The following MAST4 variants were observed in gnomAD, a reference collection of about 807,000 sequenced individuals.
MAST4 encodes the protein microtubule-associated serine/threonine-protein kinase 4.
Under a neutral mutation model 162.7 loss-of-function variants are expected in MAST4, and 89 were observed. The observed-to-expected ratio is 0.55, with a 90% CI of 0.46 to 0.65. The LOEUF is 0.65. Ranked by LOEUF, MAST4 falls within the 30% of genes least tolerant of loss-of-function variation. The probability of loss-of-function intolerance (pLI) is 0.00; values close to 1 mark genes in which losing one functional copy is unlikely to be tolerated. For missense variants in MAST4, 3,153 were observed against 3,374.0 expected, an observed-to-expected ratio of 0.93 and a Z score of 1.62; for synonymous variants, 1,479 against 1,361.1, an observed-to-expected ratio of 1.09 and a Z score of -1.91.
At chr5:67,160,129 A>G (rs1285523475) in intron 26 of MAST4, among the ~76,000 whole-genome samples, 4 of 152,184 alleles carry the variant, frequency 2.6e-5, no homozygotes, top group African/African-American at 9.7e-5. Context: ...TCCTCAAATG[A>G]GCCCCAGGAG....
At chr5:66,779,894 T>C (rs1474740698) in intron 2 of MAST4, among the ~76,000 whole-genome samples, 3 of 152,172 alleles carry the variant, frequency 2.0e-5, no homozygotes, top group African/African-American at 7.2e-5. Flanking sequence ...CCCTAACTTA[T>C]AAATGATTGG....
At chr5:66,605,554 A>T (rs974478017) in intron 1 of MAST4, among the ~76,000 whole-genome samples, 6 of 152,202 alleles carry the variant, frequency 3.9e-5, no homozygotes, top group Non-Finnish European at 7.3e-5. Flanking sequence ...TCAAAATACT[A>T]CATTGGTAAA....
intron 1 of MAST4, among the ~76,000 whole-genome samples, chr5:66,640,305 G>C (rs10063489): frequency 0.59 from 88,372 of 148,846 alleles, 27,285 homozygotes; most frequent in African/African-American, 0.76. Flanking sequence ...CTCACAATTT[G>C]TTTCTTTTTT....
chr5:66,651,119 C>T (rs572738294), intron 1 of MAST4, among the ~76,000 whole-genome samples: 6 of 152,202 alleles, frequency 3.9e-5, no homozygotes, highest in African/African-American at 1.4e-4. Context: ...GAAGTGTTTA[C>T]ATCATACTGC....
chr5:66,998,910 G>C (rs1750963611), intron 4 of MAST4, among the ~76,000 whole-genome samples: 1 of 152,228 alleles, frequency 6.6e-6, no homozygotes, highest in African/African-American at 2.4e-5. Context: ...TTGGGGATGG[G>C]GGGCTCCCAT....
In MAST4 at chr5:66,723,280, C is replaced by A. The variant is rs143574436; in HGVS notation, c.364-36429C>A. Among the ~76,000 whole-genome samples the A allele has an allele frequency of 4.3e-3, 649 of 152,248 alleles. 6 individuals carry two copies. Among genetic ancestry groups the A allele is most frequent in the African/African-American group, 0.015 (624 of 41,542 alleles). Reference sequence around the variant, plus strand: ...TCTCAGTCCTAAAGGGTTCTTCTTTCTATTAGTAATTGAAATGATTCTTCC... The same window carrying A: ...TCTCAGTCCTAAAGGGTTCTTCTTTATATTAGTAATTGAAATGATTCTTCC... On this transcript the variant is annotated intron_variant, in intron 1 of 28. Transcript: ENST00000403625.
chr5:66,978,992 AGG>A (rs1206797232), intron 4 of MAST4, among the ~76,000 whole-genome samples: 1 of 152,190 alleles, frequency 6.6e-6, no homozygotes, highest in Non-Finnish European at 1.5e-5. Flanking sequence ...AGGCTTGAGA[AGG>A]GGAAGGAAGA....
At chr5:66,870,983 A>G (rs1760890457) in intron 3 of MAST4, 1 of 377,836 alleles carries the variant, frequency 2.6e-6, no homozygotes, top group Non-Finnish European at 5.3e-6. Flanking sequence ...GAGAGGAGTC[A>G]AAGTCTTCTC....
chr5:66,931,677 A>G (rs1247607703), intron 4 of MAST4, among the ~76,000 whole-genome samples: 1 of 152,184 alleles, frequency 6.6e-6, no homozygotes, highest in Non-Finnish European at 1.5e-5. Flanking sequence ...TTTTCATGCA[A>G]TACCTGGCCT....
At chr5:67,028,561 C>T (rs180791169) in intron 4 of MAST4, among the ~76,000 whole-genome samples, 7 of 152,150 alleles carry the variant, frequency 4.6e-5, no homozygotes, top group East Asian at 1.9e-4. Flanking sequence ...TGAAGGGAGA[C>T]GCTCAGGAAG....
chr5:67,036,275 A>T (rs1034895740), intron 4 of MAST4, among the ~76,000 whole-genome samples: 3 of 151,580 alleles, frequency 2.0e-5, no homozygotes, highest in African/African-American at 7.3e-5. Context: ...GTGGCTAGCA[A>T]TATTTAAAAG....
intron 5 of MAST4, among the ~76,000 whole-genome samples, chr5:67,057,315 C>T (rs939945814): frequency 1.3e-5 from 2 of 152,008 alleles, no homozygotes; most frequent in African/African-American, 4.8e-5. Context: ...GGAAAAACCT[C>T]CATCTCTCAG....
At chr5:66,680,993 C>G (rs1220095330) in intron 1 of MAST4, among the ~76,000 whole-genome samples, 1 of 152,128 alleles carries the variant, frequency 6.6e-6, no homozygotes, top group East Asian at 1.9e-4. Context: ...CCTTTGGCCA[C>G]AAGGGGGACC....
At chr5:66,689,733 C>T (rs1748917408) in intron 1 of MAST4, among the ~76,000 whole-genome samples, 1 of 152,152 alleles carries the variant, frequency 6.6e-6, no homozygotes, top group African/African-American at 2.4e-5. Context: ...AACTTTAGCT[C>T]AGCATTTCTG....
At chr5:66,913,811 T>C (rs901511645) in intron 4 of MAST4, among the ~76,000 whole-genome samples, 4 of 152,224 alleles carry the variant, frequency 2.6e-5, no homozygotes, top group African/African-American at 7.2e-5. Flanking sequence ...TTGATTTTTA[T>C]ACATGGAGGG....
intron 4 of MAST4, among the ~76,000 whole-genome samples, chr5:67,027,637 G>A (rs1290569528): frequency 1.3e-5 from 2 of 152,162 alleles, no homozygotes; most frequent in Admixed American, 6.5e-5. Flanking sequence ...ATAAGAATAA[G>A]CCTTTTCACC....
At chr5:66,704,650 G>A (rs1054873974) in intron 1 of MAST4, among the ~76,000 whole-genome samples, 3 of 151,962 alleles carry the variant, frequency 2.0e-5, no homozygotes, top group Non-Finnish European at 4.4e-5. Context: ...ACAGGCGCTT[G>A]CCACCATGCT....
intron 1 of MAST4, among the ~76,000 whole-genome samples, chr5:66,603,085 TAAGC>T (rs1742658392): frequency 6.6e-6 from 1 of 152,318 alleles, no homozygotes; most frequent in African/African-American, 2.4e-5. Flanking sequence ...AGGTACATAA[TAAGC>T]AAGAAACCTA....
At chr5:66,612,422 G>A (rs1315977608) in intron 1 of MAST4, among the ~76,000 whole-genome samples, 3 of 152,170 alleles carry the variant, frequency 2.0e-5, no homozygotes, top group African/African-American at 7.2e-5. Flanking sequence ...CTGCCAACTC[G>A]GCTTGCTCTG....
Sources: gnomAD v4.1 joint callset for allele counts (sites outside exome capture counted in the v4.1 genomes callset) on GRCh38, gnomAD v4.1.1 for gene constraint, MANE v1.5 for transcripts, NCBI Gene and HGNC (gene_info 2026-07-23, HGNC 2026-07-21) for gene names.